EIF3E: variants seen among roughly 807,000 people sequenced by gnomAD.
EIF3E encodes the protein eIF-3 p48.
In EIF3E, 25 loss-of-function variants were observed where a neutral mutation model predicts 59.3. The observed-to-expected ratio is 0.42, with a 90% CI of 0.31 to 0.59. EIF3E has a LOEUF of 0.59. Ranked by LOEUF, EIF3E falls within the 20% of genes least tolerant of loss-of-function variation. The pLI is 0.15. For missense variants in EIF3E, 317 were observed against 534.3 expected (o/e 0.59, Z 4.01); for synonymous variants, 176 against 170.2 (o/e 1.03, Z -0.26).
At chr8:108,215,865 C>T (rs1815291883) in intron 9 of EIF3E, among the ~76,000 whole-genome samples, 1 of 152,140 alleles carries the variant, frequency 6.6e-6, no homozygotes, top group Non-Finnish European at 1.5e-5. Context: ...CTTCCATTTG[C>T]TCTAAAGGTA....
intron 5 of EIF3E, among the ~76,000 whole-genome samples, chr8:108,232,475 C>T (rs759026843): frequency 6.6e-6 from 1 of 152,032 alleles, no homozygotes; most frequent in Non-Finnish European, 1.5e-5. Flanking sequence ...TTAAAACTAA[C>T]CCTCAAATTT....
intron 7 of EIF3E, among the ~76,000 whole-genome samples, chr8:108,222,222 T>A (rs184792062): frequency 6.6e-6 from 1 of 152,154 alleles, no homozygotes; most frequent in Non-Finnish European, 1.5e-5. Flanking sequence ...TCTAAAAAAA[T>A]GTTTTAGAGA....
At chr8:108,202,519 T>C (rs1226404711) in intron 12 of EIF3E, among the ~76,000 whole-genome samples, 1 of 152,094 alleles carries the variant, frequency 6.6e-6, no homozygotes, top group African/African-American at 2.4e-5. Flanking sequence ...GGGAGATTAA[T>C]TTTTGATATG....
At chr8:108,238,007 G>A (rs759358188) in intron 3 of EIF3E, among the ~76,000 whole-genome samples, 3 of 152,092 alleles carry the variant, frequency 2.0e-5, no homozygotes, top group Non-Finnish European at 4.4e-5. Flanking sequence ...AAGCTACAAG[G>A]ATCCTCTTTT....
At chr8:108,210,813 T>C (rs1815193338) in intron 10 of EIF3E, among the ~76,000 whole-genome samples, 1 of 152,190 alleles carries the variant, frequency 6.6e-6, no homozygotes, top group East Asian at 1.9e-4. Flanking sequence ...GTTCTCATTG[T>C]TCAATTCCCA....
intron 5 of EIF3E, among the ~76,000 whole-genome samples, chr8:108,230,346 C>T (rs1815599254): frequency 6.6e-6 from 1 of 152,052 alleles, no homozygotes; most frequent in Admixed American, 6.6e-5. Context: ...ATAAGACATA[C>T]AGGGATTACA....
intron 10 of EIF3E, among the ~76,000 whole-genome samples, chr8:108,212,095 G>A (rs188320342): frequency 1.5e-4 from 23 of 152,204 alleles, no homozygotes; most frequent in East Asian, 1.2e-3. Context: ...TAAATTTCCT[G>A]GCTACAAAAC....
chr8:108,208,596 C>T (rs1815149641), intron 10 of EIF3E, among the ~76,000 whole-genome samples: 1 of 151,870 alleles, frequency 6.6e-6, no homozygotes, highest in African/African-American at 2.4e-5. Flanking sequence ...CTGTTTGTCT[C>T]CATACATTTA....
intron 11 of EIF3E, 99 bp from the exon 12 acceptor site, chr8:108,203,216 C>T: frequency 2.2e-6 from 2 of 915,346 alleles, no homozygotes; most frequent in Non-Finnish European, 3.0e-6. Context: ...TTTTAATGCA[C>T]TGTATAGAGA....
At chr8:108,248,157 A>G (rs1815984335) in intron 1 of EIF3E, among the ~76,000 whole-genome samples, 1 of 152,194 alleles carries the variant, frequency 6.6e-6, no homozygotes, top group African/African-American at 2.4e-5. Context: ...TACTTATTTT[A>G]AGTGTAAGAG....
chr8:108,217,583 T>G (rs1815328039), intron 7 of EIF3E, 123 bp from the exon 8 acceptor site: 1 of 734,132 alleles, frequency 1.4e-6, no homozygotes, highest in Non-Finnish European at 2.0e-6. Flanking sequence ...AGAATGAGTA[T>G]TATAAGAAAA....
chr8:108,231,451 C>T (rs1815618719), intron 5 of EIF3E, among the ~76,000 whole-genome samples: 1 of 152,080 alleles, frequency 6.6e-6, no homozygotes. Context: ...TATCATTACT[C>T]ATACTGTCTT....
At chr8:108,216,030 T>C (rs779254714) in intron 9 of EIF3E, among the ~76,000 whole-genome samples, 13 of 152,334 alleles carry the variant, frequency 8.5e-5, no homozygotes, top group Admixed American at 5.9e-4. Context: ...AGTTGTTATT[T>C]GCAATTCAAA....
intron 10 of EIF3E, among the ~76,000 whole-genome samples, chr8:108,212,178 C>G (rs1345697513): frequency 6.6e-6 from 1 of 152,090 alleles, no homozygotes; most frequent in Non-Finnish European, 1.5e-5. Context: ...AGGAGAGAAG[C>G]TGAACAGAAC....
At position 108,213,473 on chromosome 8, in the gene EIF3E, C is replaced by T. The variant is rs932989035; in HGVS notation, c.1061+1134G>A. Among the ~76,000 whole-genome samples, 5 of 152,148 alleles carry T rather than the reference C, an allele frequency of 3.3e-5. 1 individual carries two copies. The highest frequency in any genetic ancestry group is 2.0e-4 in the Admixed American group (3 of 15,282). On this transcript the variant is annotated intron_variant, in intron 10 of 12. Transcript: ENST00000220849. ...AAAAGGCCCACAACAGCGGTAGTAG[C>T]TAAGTCAGTTCTGGACCAAAAAGCA... is the stretch of plus-strand genomic sequence containing the variant.
At chr8:108,244,752 C>A (rs931301298) in intron 1 of EIF3E, among the ~76,000 whole-genome samples, 3 of 151,926 alleles carry the variant, frequency 2.0e-5, no homozygotes, top group Admixed American at 2.0e-4. Flanking sequence ...ATCATTGATT[C>A]TTTCAAACTA....
intron 7 of EIF3E, among the ~76,000 whole-genome samples, chr8:108,218,431 T>C (rs1815343696): frequency 6.6e-6 from 1 of 152,150 alleles, no homozygotes; most frequent in South Asian, 2.1e-4. Flanking sequence ...TTTATTATAT[T>C]ATAGATTCCC....
intron 7 of EIF3E, among the ~76,000 whole-genome samples, chr8:108,222,323 G>A (rs900075281): frequency 6.6e-6 from 1 of 152,172 alleles, no homozygotes; most frequent in South Asian, 2.1e-4. Context: ...GGGATTACAG[G>A]GAGGAGCTAC....
At chr8:108,211,766 G>A (rs1340272943) in intron 10 of EIF3E, among the ~76,000 whole-genome samples, 1 of 152,174 alleles carries the variant, frequency 6.6e-6, no homozygotes, top group Non-Finnish European at 1.5e-5. Flanking sequence ...CCACCCTCAA[G>A]ATACAGCACA....
Sources: allele counts gnomAD v4.1 joint callset (sites outside exome capture counted in the v4.1 genomes callset), GRCh38; gene constraint gnomAD v4.1.1; transcripts MANE v1.5; gene names NCBI Gene and HGNC (gene_info 2026-07-23, HGNC 2026-07-21).